The following GRHL2 variants were observed in gnomAD, a reference collection of about 807,000 sequenced individuals.
GRHL2 encodes grainyhead-like protein 2 homolog.
A neutral mutation model predicts 83.8 loss-of-function variants in GRHL2; 21 were observed. The ratio of observed to expected loss-of-function variants is 0.25; its 90% confidence interval spans 0.18 to 0.36. GRHL2 has a LOEUF of 0.36. GRHL2 is among the 10% of genes least tolerant of loss of function. The pLI, the probability that GRHL2 is intolerant of heterozygous loss-of-function variation, is 1.00. For synonymous variants in GRHL2, 280 were observed against 278.9 expected, an observed-to-expected ratio of 1.00 and a Z score of -0.04; for missense variants, 623 against 781.8, an observed-to-expected ratio of 0.80 and a Z score of 2.42.
downstream of GRHL2, among the ~76,000 whole-genome samples, chr8:101,673,754 A>AT (rs1260562797): frequency 6.6e-5 from 10 of 151,898 alleles, no homozygotes; most frequent in Admixed American, 2.6e-4. Flanking sequence ...CAGAATATAC[A>AT]TTTTTTTCAG....
At chr8:101,650,596 T>C (rs532635162) in intron 14 of GRHL2, among the ~76,000 whole-genome samples, 2 of 152,090 alleles carry the variant, frequency 1.3e-5, no homozygotes, top group South Asian at 4.2e-4. Flanking sequence ...ATAGGACATA[T>C]TGAGAATAAG....
At chr8:101,567,347 C>G (rs1332216988) in intron 4 of GRHL2, among the ~76,000 whole-genome samples, 1 of 152,132 alleles carries the variant, frequency 6.6e-6, no homozygotes, top group African/African-American at 2.4e-5. Context: ...TTTTGGCATC[C>G]TACAAATTAT....
chr8:101,643,840 G>A (rs1184321860), intron 12 of GRHL2, among the ~76,000 whole-genome samples: 2 of 152,264 alleles, frequency 1.3e-5, no homozygotes, highest in Admixed American at 1.3e-4. Context: ...AGAAGGGATA[G>A]GTGTAGGACG....
At chr8:101,532,642 C>T (rs1563567606) in intron 1 of GRHL2, among the ~76,000 whole-genome samples, 3 of 151,518 alleles carry the variant, frequency 2.0e-5, no homozygotes, top group African/African-American at 7.3e-5. Context: ...CCCAGCTACT[C>T]GGCGGGGGGG....
intron 2 of GRHL2, among the ~76,000 whole-genome samples, chr8:101,548,872 C>T (rs912286066): frequency 2.6e-5 from 4 of 152,234 alleles, no homozygotes; most frequent in Non-Finnish European, 5.9e-5. Flanking sequence ...ACAGCATTCA[C>T]TTCCATGAAT....
intron 15 of GRHL2, among the ~76,000 whole-genome samples, chr8:101,665,988 T>C (rs1197569267): frequency 6.6e-6 from 1 of 152,196 alleles, no homozygotes; most frequent in Non-Finnish European, 1.5e-5. Flanking sequence ...GTAAAGCTAA[T>C]TTCAAAATCA....
chr8:101,550,088 G>T (rs1223320543), intron 2 of GRHL2, among the ~76,000 whole-genome samples: 2 of 150,244 alleles, frequency 1.3e-5, no homozygotes, highest in Non-Finnish European at 3.0e-5. Context: ...CAATGCCAGT[G>T]GAATTTCTTT....
intron 12 of GRHL2, among the ~76,000 whole-genome samples, chr8:101,640,008 G>C (rs7004970): frequency 0.12 from 17,546 of 152,262 alleles, 2,171 homozygotes; most frequent in African/African-American, 0.32. Flanking sequence ...TCATGCAGAT[G>C]TGTTGACTTC....
chr8:101,671,623 A>G (rs1412755360), downstream of GRHL2, among the ~76,000 whole-genome samples: 2 of 152,228 alleles, frequency 1.3e-5, no homozygotes, highest in African/African-American at 4.8e-5. Context: ...GGGCACAGAC[A>G]AACAAAAAGA....
intron 1 of GRHL2, among the ~76,000 whole-genome samples, chr8:101,507,946 C>A (rs1050784987): frequency 6.6e-6 from 1 of 151,762 alleles, no homozygotes; most frequent in Non-Finnish European, 1.5e-5. Context: ...CCATGCCCAG[C>A]TAATTTTTGT....
chr8:101,571,335 C>A (rs1345743115), intron 5 of GRHL2, among the ~76,000 whole-genome samples: 1 of 151,848 alleles, frequency 6.6e-6, no homozygotes, highest in African/African-American at 2.4e-5. Context: ...TGTTTTAAGA[C>A]CTTGGTTATG....
intron 9 of GRHL2, among the ~76,000 whole-genome samples, chr8:101,621,797 C>T (rs1430793129): frequency 6.6e-6 from 1 of 151,994 alleles, no homozygotes; most frequent in Non-Finnish European, 1.5e-5. Flanking sequence ...ACTCAGGAGG[C>T]TGAAGCAGGA....
rs775799518 is a variant in GRHL2, at chr8:101,543,521, C to T, written c.216+85C>T. On this transcript the variant is annotated intron_variant, in intron 2 of 15. Coordinates refer to ENST00000646743, the MANE Select transcript of GRHL2 (RefSeq NM_024915.4). The stretch of plus-strand genomic sequence containing the variant: ...GGAAGAAGGAACAGATTGTTTGTCC[C>T]AGGCCAGGGAACTAATAGCATTTCC... 2.3e-6 allele frequency: 3 copies of T among 1,291,496 alleles called. No homozygotes were observed. In the Admixed American group the frequency reaches 5.3e-5, roughly 23 times the overall value. The allele number at this position is 1,291,496 out of a possible 1,614,324, so 80.0% of individuals were successfully genotyped here.
chr8:101,640,968 A>G (rs1021121130), intron 12 of GRHL2, among the ~76,000 whole-genome samples: 1 of 152,206 alleles, frequency 6.6e-6, no homozygotes, highest in African/African-American at 2.4e-5. Context: ...TGGCTGGAAC[A>G]TTGGTCTGCC....
At chr8:101,587,900 A>G (rs1586122551) in intron 7 of GRHL2, among the ~76,000 whole-genome samples, 2 of 152,228 alleles carry the variant, frequency 1.3e-5, no homozygotes, top group South Asian at 2.1e-4. Context: ...TGTAACATCC[A>G]CAAGAGTGAA....
intron 13 of GRHL2, among the ~76,000 whole-genome samples, chr8:101,646,828 C>T (rs1361253711): frequency 6.6e-6 from 1 of 152,184 alleles, no homozygotes; most frequent in East Asian, 1.9e-4. Context: ...CTGCCACAGA[C>T]ACAGAGTAAT....
chr8:101,605,715 G>A (rs1161106440), intron 8 of GRHL2, among the ~76,000 whole-genome samples: 2 of 152,132 alleles, frequency 1.3e-5, no homozygotes, highest in Non-Finnish European at 2.9e-5. Context: ...AACTGATGTG[G>A]GAGTGAAAAC....
At chr8:101,639,096 T>C (rs1311343168) in intron 12 of GRHL2, among the ~76,000 whole-genome samples, 1 of 152,212 alleles carries the variant, frequency 6.6e-6, no homozygotes, top group Non-Finnish European at 1.5e-5. Context: ...AGGCCTCAGT[T>C]GTAAATCTGT....
intron 9 of GRHL2, among the ~76,000 whole-genome samples, chr8:101,621,465 CTA>C (rs1812963776): frequency 6.6e-6 from 1 of 151,984 alleles, no homozygotes; most frequent in African/African-American, 2.4e-5. Context: ...GAATTAAAAA[CTA>C]TGCTAGAAGC....
Sources: allele counts gnomAD v4.1 joint callset (sites outside exome capture counted in the v4.1 genomes callset), GRCh38; gene constraint gnomAD v4.1.1; transcripts MANE v1.5; gene names NCBI Gene and HGNC (gene_info 2026-07-23, HGNC 2026-07-21).